Variants in ENTREP2 observed in about 807,000 individuals in gnomAD.
ENTREP2 encodes protein ENTREP2.
the ENTREP2 span, among the ~76,000 whole-genome samples, chr15:29,619,040 G>A: frequency 6.6e-6 from 1 of 152,200 alleles, no homozygotes; most frequent in Non-Finnish European, 1.5e-5. Context: ...GCCCATTTGA[G>A]TTTTGAAGCG....
the ENTREP2 span, among the ~76,000 whole-genome samples, chr15:29,466,393 C>A: frequency 2.6e-5 from 4 of 152,040 alleles, no homozygotes; most frequent in Admixed American, 1.3e-4. Context: ...GGAGAGAGCC[C>A]AGGAGAGGAC....
At chr15:29,173,086 T>C in the ENTREP2 span, among the ~76,000 whole-genome samples, 1 of 152,160 alleles carries the variant, frequency 6.6e-6, no homozygotes, top group Non-Finnish European at 1.5e-5. Context: ...CGTGCTACCA[T>C]AGTTCCACAC....
the ENTREP2 span, among the ~76,000 whole-genome samples, chr15:29,309,626 T>C: frequency 1.4e-5 from 2 of 146,696 alleles, no homozygotes; most frequent in African/African-American, 5.3e-5. Context: ...CCGTTTCTAC[T>C]AAAAATACAA....
At chr15:29,637,852 G>A in the ENTREP2 span, among the ~76,000 whole-genome samples, 3 of 152,280 alleles carry the variant, frequency 2.0e-5, no homozygotes, top group South Asian at 2.1e-4. Flanking sequence ...AATCAAGCTC[G>A]TCGCACTGCC....
chr15:29,485,781 T>C, the ENTREP2 span, among the ~76,000 whole-genome samples: 1 of 152,120 alleles, frequency 6.6e-6, no homozygotes, highest in Non-Finnish European at 1.5e-5. Context: ...TCACCAATCA[T>C]CAGGGAAATG....
the ENTREP2 span, chr15:29,151,702 C>T: frequency 8.0e-5 from 121 of 1,506,590 alleles, 1 homozygote; most frequent in East Asian, 9.8e-5. Flanking sequence ...GGTTTCAAAC[C>T]GCGCAGAGGA....
At chr15:29,120,374 A>G in the ENTREP2 span, 1 of 152,256 alleles carries the variant, frequency 6.6e-6, no homozygotes, top group South Asian at 2.1e-4. Context: ...ACAATTTCCT[A>G]TAAATTCTGC....
At chr15:29,577,551 G>T in the ENTREP2 span, among the ~76,000 whole-genome samples, 8 of 152,034 alleles carry the variant, frequency 5.3e-5, no homozygotes, top group Non-Finnish European at 1.2e-4. Flanking sequence ...ATGGGGTTTT[G>T]CCGTGTTGCC....
At chr15:29,532,477 G>A in the ENTREP2 span, among the ~76,000 whole-genome samples, 3 of 151,972 alleles carry the variant, frequency 2.0e-5, no homozygotes, top group Non-Finnish European at 4.4e-5. Flanking sequence ...ACACAAAACT[G>A]GTGCATCCCA....
the ENTREP2 span, among the ~76,000 whole-genome samples, chr15:29,357,786 C>T: frequency 6.6e-5 from 10 of 151,966 alleles, no homozygotes; most frequent in South Asian, 1.0e-3. Flanking sequence ...TTGCAGTGAG[C>T]CGAGATCGTG....
chr15:29,554,185 T>C, the ENTREP2 span, among the ~76,000 whole-genome samples: 2 of 151,720 alleles, frequency 1.3e-5, no homozygotes, highest in South Asian at 4.2e-4. Context: ...TGGTGGCGCG[T>C]TGCCTGTAAT....
At chr15:29,186,690 C>T in the ENTREP2 span, among the ~76,000 whole-genome samples, 1 of 152,174 alleles carries the variant, frequency 6.6e-6, no homozygotes, top group Non-Finnish European at 1.5e-5. Flanking sequence ...CCTATCAGTC[C>T]TTGTTCTTCA....
chr15:29,406,325 T>A, the ENTREP2 span, among the ~76,000 whole-genome samples: 3 of 152,114 alleles, frequency 2.0e-5, no homozygotes, highest in Admixed American at 1.3e-4. Flanking sequence ...GGCGGGTGGA[T>A]CACTTGAGGC....
chr15:29,656,343 A>AT, the ENTREP2 span, among the ~76,000 whole-genome samples: 2 of 151,904 alleles, frequency 1.3e-5, no homozygotes, highest in African/African-American at 4.8e-5. Context: ...CTCATGTGTC[A>AT]GCCTCCCGAG....
chr15:29,538,065 T>C, the ENTREP2 span, among the ~76,000 whole-genome samples: 2 of 152,240 alleles, frequency 1.3e-5, no homozygotes, highest in Admixed American at 6.5e-5. Flanking sequence ...GTTTTATTTA[T>C]GTGGCATGTT....
chr15:29,560,496 C>T, the ENTREP2 span, among the ~76,000 whole-genome samples: 2 of 152,150 alleles, frequency 1.3e-5, no homozygotes, highest in African/African-American at 4.8e-5. Flanking sequence ...GGCCCCATCT[C>T]TCAGTGTCAG....
At chr15:29,467,011 C>T in the ENTREP2 span, among the ~76,000 whole-genome samples, 595 of 145,556 alleles carry the variant, frequency 4.1e-3, 2 homozygotes, top group Non-Finnish European at 6.4e-3. Context: ...GCTGATGGCC[C>T]CAGGGGAGGG....
At chr15:29,175,380 A>G in the ENTREP2 span, among the ~76,000 whole-genome samples, 8,899 of 152,320 alleles carry the variant, frequency 0.058, 887 homozygotes, top group African/African-American at 0.2. Flanking sequence ...ATCATACACG[A>G]TTAATCATCT....
the ENTREP2 span, among the ~76,000 whole-genome samples, chr15:29,512,176 G>T: frequency 6.6e-6 from 1 of 151,848 alleles, no homozygotes; most frequent in Non-Finnish European, 1.5e-5. Flanking sequence ...CCTTCCAAAG[G>T]CCCCTGGAAG....
Sources: gnomAD v4.1 joint callset for allele counts (sites outside exome capture counted in the v4.1 genomes callset) on GRCh38, gnomAD v4.1.1 for gene constraint, MANE v1.5 for transcripts, NCBI Gene and HGNC (gene_info 2026-07-23, HGNC 2026-07-21) for gene names.